SYN3: variants seen among roughly 807,000 people sequenced by gnomAD.
SYN3 encodes synapsin-3.
A neutral mutation model predicts 65.8 loss-of-function variants in SYN3; 35 were observed. The ratio of observed to expected loss-of-function variants is 0.53; its 90% CI spans 0.41 to 0.70. SYN3 has a LOEUF of 0.70. Ranked by LOEUF, SYN3 falls within the 30% of genes least tolerant of loss-of-function variation. The pLI is 0.00. For synonymous variants in SYN3, 270 were observed against 292.9 expected (o/e 0.92, Z 0.80); for missense variants, 680 against 749.0 (o/e 0.91, Z 1.08).
At chr22:32,740,794 G>A (rs996796108) in intron 6 of SYN3, among the ~76,000 whole-genome samples, 3 of 152,156 alleles carry the variant, frequency 2.0e-5, no homozygotes, top group Non-Finnish European at 2.9e-5. Flanking sequence ...AGGAGGTGGT[G>A]AGCTCTCTGC....
chr22:32,653,883 C>T (rs944825637), intron 6 of SYN3, among the ~76,000 whole-genome samples: 15 of 152,244 alleles, frequency 9.9e-5, no homozygotes, highest in African/African-American at 3.6e-4. Flanking sequence ...TCTCTCCCTG[C>T]TTCCTTTCCA....
Position 32,569,537 on chromosome 22 carries a change from ATCTCTCTCTC to A in SYN3, c.774+27127_774+27136del, listed in dbSNP as rs142418236. On this transcript the variant is annotated intron_variant, in intron 7 of 13. Transcript: ENST00000358763. The stretch of plus-strand genomic sequence containing the variant: ...ATCTATATCTATCTAAAATCAATCA[ATCTCTCTCTC>A]TCTCTCTCTCTCTCTCTCTCTCTCT... Among the ~76,000 whole-genome samples the A allele has an allele frequency of 9.0e-3, 1,021 of 113,498 alleles. 12 individuals are homozygous for A. The highest frequency in any genetic ancestry group is 0.028 in the African/African-American group (921 of 33,208). 74.5% of individuals were successfully genotyped at this position (113,498 alleles called of 152,430 possible).
intron 3 of SYN3, among the ~76,000 whole-genome samples, chr22:32,941,953 G>A (rs1215907107): frequency 6.6e-6 from 1 of 152,222 alleles, no homozygotes; most frequent in Non-Finnish European, 1.5e-5. Flanking sequence ...CAGCCAGGAA[G>A]CTCAAACTGG....
At chr22:32,929,269 C>T (rs759484935) in intron 4 of SYN3, among the ~76,000 whole-genome samples, 5 of 152,018 alleles carry the variant, frequency 3.3e-5, no homozygotes, top group South Asian at 2.1e-4. Context: ...GCAACAAGAG[C>T]GAAACTCCAT....
chr22:33,006,960 T>C (rs1278783260), intron 1 of SYN3, 136 bp from the exon 2 acceptor site: 2 of 281,768 alleles, frequency 7.1e-6, no homozygotes, highest in Admixed American at 4.8e-5. Context: ...TTTGGCAACA[T>C]GTATTAAGAG....
At chr22:32,629,787 A>G (rs1299738438) in intron 6 of SYN3, 2 of 152,068 alleles carry the variant, frequency 1.3e-5, no homozygotes, top group Non-Finnish European at 2.9e-5. Context: ...GAGGCCACAT[A>G]GTGGGGTGGT....
intron 2 of SYN3, 120 bp downstream of exon 2, chr22:33,006,232 C>T (rs1467176596): frequency 6.6e-6 from 8 of 1,206,282 alleles, no homozygotes; most frequent in Non-Finnish European, 9.2e-6. Context: ...TTCTCTCCAG[C>T]CAGGCTCTGA....
intron 6 of SYN3, among the ~76,000 whole-genome samples, chr22:32,741,895 T>C (rs1014566048): frequency 3.3e-5 from 5 of 152,190 alleles, no homozygotes; most frequent in African/African-American, 1.2e-4. Flanking sequence ...TTAACTAAGA[T>C]AAGGCAAAGA....
At chr22:32,780,464 C>T (rs130539) in intron 6 of SYN3, among the ~76,000 whole-genome samples, 134,281 of 152,148 alleles carry the variant, frequency 0.88, 59,415 homozygotes, top group East Asian at 0.97. Flanking sequence ...TCTCTGCAGC[C>T]CTTGGTATTT....
intron 6 of SYN3, among the ~76,000 whole-genome samples, chr22:32,639,128 T>C (rs1217097646): frequency 1.3e-5 from 2 of 152,172 alleles, no homozygotes; most frequent in East Asian, 1.9e-4. Context: ...AATTTTTTTG[T>C]ATTTTTAGTA....
At chr22:32,910,795 T>C (rs1274834763) in intron 4 of SYN3, among the ~76,000 whole-genome samples, 4 of 152,236 alleles carry the variant, frequency 2.6e-5, no homozygotes, top group African/African-American at 9.6e-5. Context: ...TAAATGTGCT[T>C]AGAACAGTGG....
At chr22:32,897,210 A>G (rs1480866328) in intron 4 of SYN3, among the ~76,000 whole-genome samples, 2 of 152,190 alleles carry the variant, frequency 1.3e-5, no homozygotes, top group Non-Finnish European at 2.9e-5. Context: ...TGGGTGTAAG[A>G]TAAGAGTGCC....
At chr22:32,677,812 AT>A (rs1156496886) in intron 6 of SYN3, among the ~76,000 whole-genome samples, 2 of 144,278 alleles carry the variant, frequency 1.4e-5, no homozygotes, top group Admixed American at 7.0e-5. Context: ...GAAAAAAAAA[AT>A]AATCATAATA....
At position 32,650,215 on chromosome 22, in the gene SYN3, T is replaced by TTCTC. The variant is rs140464317; in HGVS notation, c.712-53483_712-53480dup. Among the ~76,000 whole-genome samples the TTCTC allele has an allele frequency of 3.3e-4, 41 of 122,922 alleles. 2 individuals carry two copies. The highest frequency in any genetic ancestry group is 7.0e-4 in the African/African-American group (18 of 25,762). The allele number at this position is 122,922 out of a possible 152,430, so 80.6% of individuals were successfully genotyped here. A position where few individuals can be genotyped will look rare whatever the true frequency, so the allele number is the denominator to read the frequency against. On this transcript the variant is annotated intron_variant, in intron 6 of 13. Transcript: ENST00000358763. ...TATTCTAAGCTCTTTACACTTTTCT[T>TTCTC]TCTCTCTCTCTCTCTCTCCCTCCCT...
intron 4 of SYN3, among the ~76,000 whole-genome samples, chr22:32,883,539 C>T (rs1054984412): frequency 6.6e-6 from 1 of 152,220 alleles, no homozygotes; most frequent in Non-Finnish European, 1.5e-5. Context: ...GCTCTCAAAA[C>T]TAGTTCTTCC....
chr22:32,820,684 C>T (rs141894444), intron 6 of SYN3, among the ~76,000 whole-genome samples: 6 of 152,226 alleles, frequency 3.9e-5, no homozygotes, highest in Middle Eastern at 6.8e-3. Flanking sequence ...CTGATTACCC[C>T]CAGGCACCAA....
chr22:32,538,938 T>A (rs562852149), intron 8 of SYN3, among the ~76,000 whole-genome samples: 97 of 152,206 alleles, frequency 6.4e-4, no homozygotes, highest in Middle Eastern at 6.8e-3. Flanking sequence ...TCCAGTGGGA[T>A]CCGGCAGGTA....
At chr22:32,739,967 G>T (rs1412463081) in intron 6 of SYN3, among the ~76,000 whole-genome samples, 1 of 152,228 alleles carries the variant, frequency 6.6e-6, no homozygotes, top group East Asian at 1.9e-4. Context: ...TTCAACTTTG[G>T]AAGACATACA....
At chr22:32,829,572 C>T (rs1363088526) in intron 6 of SYN3, among the ~76,000 whole-genome samples, 3 of 152,248 alleles carry the variant, frequency 2.0e-5, no homozygotes, top group Admixed American at 6.5e-5. Context: ...AAAAACGGCC[C>T]GGATTTTCAT....
Sources: gnomAD v4.1 joint callset for allele counts (sites outside exome capture counted in the v4.1 genomes callset) on GRCh38, gnomAD v4.1.1 for gene constraint, MANE v1.5 for transcripts, NCBI Gene and HGNC (gene_info 2026-07-23, HGNC 2026-07-21) for gene names.